The following TNRC18 variants were observed in gnomAD, a reference collection of about 807,000 sequenced individuals.
TNRC18 encodes the protein trinucleotide repeat-containing gene 18 protein.
In TNRC18, 69 loss-of-function variants were observed where a neutral mutation model predicts 226.7. The observed-to-expected ratio is 0.30, with a 90% CI of 0.25 to 0.37. TNRC18 has a LOEUF of 0.37. Ranked by LOEUF, TNRC18 falls within the 10% of genes least tolerant of loss-of-function variation. The probability of loss-of-function intolerance (pLI) is 1.00; values close to 1 mark genes in which losing one functional copy is unlikely to be tolerated. For missense variants in TNRC18, 4,754 were observed against 4,256.6 expected, an observed-to-expected ratio of 1.12 and a Z score of -3.25; for synonymous variants, 2,449 against 1,927.6, an observed-to-expected ratio of 1.27 and a Z score of -7.09.
chr7:5,418,917 C>A (rs545559149), intron 2 of TNRC18, among the ~76,000 whole-genome samples: 3 of 152,186 alleles, frequency 2.0e-5, no homozygotes, highest in Non-Finnish European at 2.9e-5. Flanking sequence ...GGTCTCCTTG[C>A]GGCTACTCGA....
intron 18 of TNRC18, among the ~76,000 whole-genome samples, chr7:5,343,033 A>G (rs1790833780): frequency 6.6e-6 from 1 of 152,164 alleles, no homozygotes; most frequent in African/African-American, 2.4e-5. Context: ...CACTATTTTT[A>G]AGATATGTAC....
Position 5,352,044 on chromosome 7 carries a change from G to A in TNRC18, c.5245C>T (p.Gln1749Ter). 6.2e-7 allele frequency: 1 copy of A among 1,613,404 alleles called. No individual in the cohort carries two copies. The highest frequency in any genetic ancestry group is 1.7e-4 in the Middle Eastern group (1 of 6,058). Residue 1749 changes from glutamine (Q) to a stop codon, truncating the protein, a stop_gained, in exon 17 of 30, where the codon CAA becomes TAA. Coordinates refer to ENST00000430969, the MANE Select transcript of TNRC18 (RefSeq NM_001080495.3). LOFTEE classifies it high-confidence loss of function. ...EEFLKDEWPAQGPSSSKLTPS... is the reference protein window; with the variant it reads ...EEFLKDEWPA ...GTCAGTTTGGAGCTGGAGGGGCCTT[G>A]GGCGGGCCACTCGTCCTTCAGGAAT...
At position 5,390,467 on chromosome 7, in the gene TNRC18, C is replaced by G. The variant is rs767933628; in HGVS notation, c.487+18G>C. Reference sequence around the variant, plus strand: ...AGAAGGCCCCTGTGCCACCCCCAACCCCGGACTCCAGTCTTACCTCCTCCT... The same window carrying G: ...AGAAGGCCCCTGTGCCACCCCCAACGCCGGACTCCAGTCTTACCTCCTCCT... On this transcript the variant is annotated intron_variant, in intron 4 of 29. Transcript: ENST00000430969. 18 of 1,613,350 alleles carry G rather than the reference C, an allele frequency of 1.1e-5. No homozygotes were observed. The East Asian group carries it at 4.0e-4, about 36-fold the overall frequency.
Position 5,400,647 on chromosome 7 carries a change from G to A in TNRC18, c.188-6052C>T, listed in dbSNP as rs563955813. Among the ~76,000 whole-genome samples the A allele has an allele frequency of 1.8e-4, 28 of 152,188 alleles. No homozygotes were observed. In the South Asian group the frequency reaches 5.6e-3, roughly 30 times the overall value. ...ATATTCAATTTTGAAACCATAGATA[G>A]CTGGTGATTACACAGGATGAATACA... On this transcript the variant is annotated intron_variant, in intron 2 of 29. Transcript: ENST00000430969.
chr7:5,414,026 C>G (rs1022220782), intron 2 of TNRC18, among the ~76,000 whole-genome samples: 6 of 151,982 alleles, frequency 3.9e-5, no homozygotes, highest in African/African-American at 1.4e-4. Flanking sequence ...GATCTCGGCT[C>G]ACTGCAACCT....
intron 18 of TNRC18, among the ~76,000 whole-genome samples, chr7:5,338,617 TAAAAAA>T (rs573809852): frequency 1.5e-5 from 1 of 68,182 alleles, no homozygotes. Flanking sequence ...CGCTGCACAT[TAAAAAA>T]AAAAAAAAAA....
intron 18 of TNRC18, among the ~76,000 whole-genome samples, chr7:5,335,981 C>T (rs1311562019): frequency 6.6e-6 from 1 of 151,688 alleles, no homozygotes; most frequent in Admixed American, 6.6e-5. Flanking sequence ...CCAAGGCGGG[C>T]AGATCACTTG....
At chr7:5,393,849 C>G (rs1248813078) in intron 3 of TNRC18, among the ~76,000 whole-genome samples, 1 of 152,094 alleles carries the variant, frequency 6.6e-6, no homozygotes, top group African/African-American at 2.4e-5. Context: ...AGAAAAGGCC[C>G]CAACAGCCCC....
At position 5,345,709 on chromosome 7, in the gene TNRC18, G is replaced by A. The variant is rs1206277818; in HGVS notation, c.5572C>T (p.Pro1858Ser). The A allele has an allele frequency of 1.9e-6, 3 of 1,548,874 alleles. No individual in the cohort carries two copies. The East Asian group carries it at 7.3e-5, about 38-fold the overall frequency. Residue 1858 changes from proline to serine, a missense_variant, in exon 18 of 30, where the codon CCG (proline) becomes TCG (serine). Coordinates refer to ENST00000430969, the MANE Select transcript of TNRC18 (RefSeq NM_001080495.3). ...RLGARERALSPGLEESGLGLL... is the reference protein window; with the variant it reads ...RLGARERALSSGLEESGLGLL... ...CCCAGCCCACTCTCCTCCAGGCCCG[G>A]TGACAGGGCCCGCTCCCGGGCACCC...
rs1788697923 is a variant in TNRC18, at chr7:5,324,495, G to A, written c.6301-140C>T. On this transcript the variant is annotated intron_variant, in intron 20 of 29. Coordinates refer to ENST00000430969, the MANE Select transcript of TNRC18 (RefSeq NM_001080495.3). This position sits in a 1 kb window ranked among gnomAD's most constrained non-coding sequence, Gnocchi z 4.8. ...TGTGCATGGCAGGGATCCCAGTTAGGGGCACCCCAGAGGCCAGGGGGAAGG... is the reference window on the plus strand; with the variant it reads ...TGTGCATGGCAGGGATCCCAGTTAGAGGCACCCCAGAGGCCAGGGGGAAGG... 8.1e-7 allele frequency: 1 copy of A among 1,237,918 alleles called. No individual in the cohort carries two copies. Among genetic ancestry groups the A allele is most frequent in the Non-Finnish European group, 1.1e-6 (1 of 898,086 alleles). 76.7% of individuals were successfully genotyped at this position (1,237,918 alleles called of 1,614,324 possible).
At position 5,376,146 on chromosome 7, in the gene TNRC18, G is replaced by A. The variant is rs1218601086; in HGVS notation, c.2687C>T (p.Ala896Val). The stretch of plus-strand genomic sequence containing the variant: ...CTGTGAGAAGAGCTGCAGCTGCTGG[G>A]CGTGGTGCAGGGGGCTGCGGCCCGG... The part of the protein sequence containing the change: ...YPPGRSPLHH[A>V]QQLQLFSQQH... The change falls in exon 9 of 30, where the codon GCC becomes GTC. Residue 896 changes from alanine (A) to valine (V), a missense_variant. Coordinates refer to ENST00000430969, the MANE Select transcript of TNRC18 (RefSeq NM_001080495.3). 7 of 1,586,786 alleles carry A rather than the reference G, an allele frequency of 4.4e-6. No homozygotes were observed. The highest frequency in any genetic ancestry group is 6.0e-6 in the Non-Finnish European group (7 of 1,167,576).
At chr7:5,389,603 C>T in intron 4 of TNRC18, 1 of 268,334 alleles carries the variant, frequency 3.7e-6, no homozygotes. Flanking sequence ...TACAGGCGCA[C>T]CCCACCACGC....
intron 17 of TNRC18, among the ~76,000 whole-genome samples, chr7:5,349,198 C>A (rs573566409): frequency 6.6e-6 from 1 of 152,326 alleles, no homozygotes; most frequent in African/African-American, 2.4e-5. Context: ...CCTCCCGCCT[C>A]CCTGCGTGCT....
intron 5 of TNRC18, among the ~76,000 whole-genome samples, chr7:5,382,078 C>A (rs560777089): frequency 6.6e-6 from 1 of 152,194 alleles, no homozygotes; most frequent in East Asian, 1.9e-4. Context: ...CAAACATGAA[C>A]TCATTCAATC....
rs1583994142 is a variant in TNRC18 at position 5,380,669 on chromosome 7, C to T, written c.2153-2645G>A. Among the ~76,000 whole-genome samples the T allele has an allele frequency of 4.6e-5, 7 of 152,306 alleles. No homozygotes were observed. In the South Asian group the frequency reaches 1.5e-3, roughly 32 times the overall value. On this transcript the variant is annotated intron_variant, in intron 5 of 29. Transcript: ENST00000430969. The stretch of plus-strand genomic sequence containing the variant: ...CTCCTGTATCAAAGCAGAAGCTGAG[C>T]CCACCATGCACCCCTCAGTCAGGAC...
intron 16 of TNRC18, among the ~76,000 whole-genome samples, chr7:5,356,238 G>A (rs1792360523): frequency 6.6e-6 from 1 of 151,782 alleles, no homozygotes. Context: ...GTGGGTAGGT[G>A]GGTCGGGCCG....
intron 2 of TNRC18, chr7:5,407,461 C>G (rs928877941): frequency 1.3e-5 from 2 of 152,284 alleles, no homozygotes; most frequent in African/African-American, 4.8e-5. Context: ...AAAGCCATCC[C>G]TGACTTCCCC....
rs761301534 is a variant in TNRC18, at chr7:5,345,577, G to A, written c.5704C>T (p.Arg1902Trp). The A allele has an allele frequency of 2.4e-5, 30 of 1,259,424 alleles. No homozygotes were observed. The highest frequency in any genetic ancestry group is 1.3e-4 in the East Asian group (2 of 15,628). 78.0% of individuals were successfully genotyped at this position (1,259,424 alleles called of 1,614,324 possible). Residue 1902 changes from arginine (R) to tryptophan (W), a missense_variant, in exon 18 of 30, where the codon CGG (arginine) becomes TGG (tryptophan). Transcript: ENST00000430969. ...TGCCACTTACCCAGCAGGCTCTGCC[G>A]CTCCTCTTTCTTCCGGGCCTTCTGC... ...AKQKARKKEE[R>W]QSLLGTEFEY...
chr7:5,356,532 G>A (rs1260436040), intron 16 of TNRC18, among the ~76,000 whole-genome samples: 7 of 152,246 alleles, frequency 4.6e-5, no homozygotes, highest in African/African-American at 1.7e-4. Context: ...GAGCAGTCGC[G>A]CTCCAGGCCT....
Sources: allele counts gnomAD v4.1 joint callset (sites outside exome capture counted in the v4.1 genomes callset), GRCh38; gene constraint gnomAD v4.1.1; non-coding constraint Gnocchi (gnomAD v3.1); transcripts MANE v1.5; gene names NCBI Gene and HGNC (gene_info 2026-07-23, HGNC 2026-07-21).